The following BICDL1 variants were observed in gnomAD, a reference collection of about 807,000 sequenced individuals.
BICDL1 encodes the protein BICD family-like cargo adapter 1.
Under a neutral mutation model 76.8 loss-of-function variants are expected in BICDL1, and 20 were observed. The ratio of observed to expected loss-of-function variants is 0.26; its 90% CI spans 0.18 to 0.38. The LOEUF is 0.38. BICDL1 is among the 10% of genes least tolerant of loss of function. The probability of loss-of-function intolerance (pLI) is 1.00; values close to 1 mark genes in which losing one functional copy is unlikely to be tolerated. For synonymous variants in BICDL1, 383 were observed against 337.1 expected (o/e 1.14, Z -1.49); for missense variants, 700 against 798.6 (o/e 0.88, Z 1.49).
intron 1 of BICDL1, among the ~76,000 whole-genome samples, chr12:119,996,103 CCAAA>C (rs1951639750): frequency 6.6e-6 from 1 of 152,140 alleles, no homozygotes; most frequent in Non-Finnish European, 1.5e-5. Flanking sequence ...CCACATTGCC[CCAAA>C]CAGACTGTAT....
Position 120,039,392 on chromosome 12 carries a change from C to G in BICDL1, c.646-22318C>G, listed in dbSNP as rs553112298. On this transcript the variant is annotated intron_variant, in intron 2 of 9. Coordinates refer to ENST00000548673, the MANE Select transcript of BICDL1 (RefSeq NM_001367886.1). ...TGGTGGTTCACGCCTGTAATCCCAG[C>G]ACTTTGGGAGGCCAAGGTGGGCGGA... 6.6e-5 allele frequency among the ~76,000 whole-genome samples: 10 copies of G among 151,826 alleles called. No individual in the cohort carries two copies. In the South Asian group the frequency reaches 1.9e-3, roughly 28 times the overall value.
chr12:120,023,024 G>A (rs1952214679), intron 2 of BICDL1, among the ~76,000 whole-genome samples: 1 of 152,210 alleles, frequency 6.6e-6, no homozygotes, highest in Non-Finnish European at 1.5e-5. Flanking sequence ...TGGGTCCCAT[G>A]TTCAGACAGT....
Position 120,071,852 on chromosome 12 carries a change from G to T in BICDL1, c.1089+51G>T, listed in dbSNP as rs1873130782. On this transcript the variant is annotated intron_variant, in intron 5 of 9. Transcript: ENST00000548673. This position sits in a 1 kb window ranked among gnomAD's most constrained non-coding sequence, Gnocchi z 4.8. ...GGCGAGGCTACCTGGGGTTGCTTAG[G>T]TCTCATCCTCCTCCCTAGTGCTCAG... 1.3e-6 allele frequency: 2 copies of T among 1,500,798 alleles called. No individual in the cohort carries two copies. The highest frequency in any genetic ancestry group is 2.8e-5 in the African/African-American group (2 of 71,586). 93.0% of individuals were successfully genotyped at this position (1,500,798 alleles called of 1,614,324 possible).
chr12:119,996,536 A>G (rs149077338), intron 1 of BICDL1, among the ~76,000 whole-genome samples: 68 of 152,346 alleles, frequency 4.5e-4, no homozygotes, highest in Middle Eastern at 3.4e-3. Flanking sequence ...GAATAAGAGT[A>G]TAGCCTCTCA....
At chr12:120,069,243 A>G (rs1292542009) in intron 4 of BICDL1, among the ~76,000 whole-genome samples, 1 of 152,198 alleles carries the variant, frequency 6.6e-6, no homozygotes, top group Non-Finnish European at 1.5e-5. Context: ...GAATGTCTCC[A>G]AGTAATTAGC....
rs1452412699 is a variant in BICDL1 at position 119,989,511 on chromosome 12, C to T, written c.-358C>T. On this transcript the variant is annotated 5_prime_UTR_variant, in exon 1 of 10. Coordinates refer to ENST00000548673, the MANE Select transcript of BICDL1 (RefSeq NM_001367886.1). The stretch of plus-strand genomic sequence containing the variant: ...GGCAACAGGGCGGCTGAGAACCCGG[C>T]GGCGGCGTTCCTCCTCGCTTCCTCC... 2.7e-5 allele frequency among the ~76,000 whole-genome samples: 4 copies of T among 150,378 alleles called. No homozygotes were observed. Among genetic ancestry groups the T allele is most frequent in the Non-Finnish European group, 4.5e-5 (3 of 67,352 alleles).
Position 120,040,793 on chromosome 12 carries a change from A to G in BICDL1, c.646-20917A>G, listed in dbSNP as rs371504201. The stretch of plus-strand genomic sequence containing the variant: ...TAGACAGTCTCACTCTGTCGCTCAG[A>G]CTGGAGTGCAATGGCATGATCCCGG... On this transcript the variant is annotated intron_variant, in intron 2 of 9. Coordinates refer to ENST00000548673, the MANE Select transcript of BICDL1 (RefSeq NM_001367886.1). 2.8e-4 allele frequency among the ~76,000 whole-genome samples: 39 copies of G among 141,002 alleles called. No homozygotes were observed. In the East Asian group the frequency reaches 4.6e-3, roughly 17 times the overall value. 92.5% of individuals were successfully genotyped at this position (141,002 alleles called of 152,430 possible). A position where few individuals can be genotyped will look rare whatever the true frequency, so the allele number is the denominator to read the frequency against.
intron 2 of BICDL1, among the ~76,000 whole-genome samples, chr12:120,009,833 A>T (rs1951919345): frequency 6.6e-6 from 1 of 152,240 alleles, no homozygotes. Flanking sequence ...ATCAACAGAA[A>T]AGCAAGTAAT....
At chr12:119,992,873 C>T (rs1023835363) in intron 1 of BICDL1, 3 of 152,132 alleles carry the variant, frequency 2.0e-5, no homozygotes, top group African/African-American at 4.8e-5. Flanking sequence ...GAGGGAATGC[C>T]ACTTTCACTA....
chr12:119,997,225 C>T (rs1034140825), intron 1 of BICDL1, among the ~76,000 whole-genome samples: 1 of 152,146 alleles, frequency 6.6e-6, no homozygotes, highest in African/African-American at 2.4e-5. Flanking sequence ...GGATTACAGG[C>T]GTGTGCCACC....
Position 120,071,804 on chromosome 12 carries a change from G to A in BICDL1, c.1089+3G>A. ...AGCTGGAGCAGGAGCGAGAGCAGGT[G>A]CTGACCTGCCTGTCACCCCACAGGC... On this transcript the variant is annotated splice_donor_region_variant and intron_variant, in intron 5 of 9. Coordinates refer to ENST00000548673, the MANE Select transcript of BICDL1 (RefSeq NM_001367886.1). This position sits in a 1 kb window ranked among gnomAD's most constrained non-coding sequence, Gnocchi z 4.8. The A allele has an allele frequency of 6.3e-7, 1 of 1,599,364 alleles. No homozygotes were observed. Among genetic ancestry groups the A allele is most frequent in the Non-Finnish European group, 8.5e-7 (1 of 1,173,724 alleles).
At chr12:120,069,728 A>T (rs1594195422) in intron 4 of BICDL1, among the ~76,000 whole-genome samples, 1 of 152,156 alleles carries the variant, frequency 6.6e-6, no homozygotes, top group African/African-American at 2.4e-5. Context: ...TAAAGCATAC[A>T]AATCTTAAGG....
chr12:120,065,623 C>G (rs1953204055), intron 4 of BICDL1, among the ~76,000 whole-genome samples: 1 of 152,168 alleles, frequency 6.6e-6, no homozygotes, highest in African/African-American at 2.4e-5. Flanking sequence ...GGGTCAGAAA[C>G]TAGGAGTGCA....
At chr12:120,062,434 C>T (rs985017768) in intron 3 of BICDL1, among the ~76,000 whole-genome samples, 1 of 152,054 alleles carries the variant, frequency 6.6e-6, no homozygotes, top group African/African-American at 2.4e-5. Flanking sequence ...ACCAGGCCTC[C>T]CCCTAGGGGA....
chr12:120,055,636 T>C (rs1952956753), intron 2 of BICDL1, among the ~76,000 whole-genome samples: 1 of 152,224 alleles, frequency 6.6e-6, no homozygotes, highest in African/African-American at 2.4e-5. Context: ...ACTAGAGATA[T>C]TTTTCAAATG....
intron 2 of BICDL1, among the ~76,000 whole-genome samples, chr12:120,059,748 G>A (rs900196555): frequency 1.3e-5 from 2 of 151,836 alleles, no homozygotes; most frequent in African/African-American, 4.8e-5. Flanking sequence ...ACACTCTGTT[G>A]CCAAGGCTGT....
At chr12:120,043,996 TATA>T (rs1397091260) in intron 2 of BICDL1, among the ~76,000 whole-genome samples, 1 of 152,212 alleles carries the variant, frequency 6.6e-6, no homozygotes, top group African/African-American at 2.4e-5. Flanking sequence ...CCGGGGATCT[TATA>T]ATGGCAATAT....
intron 2 of BICDL1, among the ~76,000 whole-genome samples, chr12:120,025,392 A>G (rs921036272): frequency 3.9e-5 from 6 of 152,142 alleles, no homozygotes; most frequent in Non-Finnish European, 8.8e-5. Flanking sequence ...GGGACAGTGT[A>G]GGAGACAGAA....
At chr12:120,037,950 C>T (rs1952558381) in intron 2 of BICDL1, among the ~76,000 whole-genome samples, 1 of 152,220 alleles carries the variant, frequency 6.6e-6, no homozygotes, top group Non-Finnish European at 1.5e-5. Flanking sequence ...CCCTCACTAT[C>T]CTAGAGAAAC....
Sources: allele counts gnomAD v4.1 joint callset (sites outside exome capture counted in the v4.1 genomes callset), GRCh38; gene constraint gnomAD v4.1.1; non-coding constraint Gnocchi (gnomAD v3.1); transcripts MANE v1.5; gene names NCBI Gene and HGNC (gene_info 2026-07-23, HGNC 2026-07-21).